MCTP1: variants seen among roughly 807,000 people sequenced by gnomAD.
MCTP1 encodes multiple C2 and transmembrane domain containing 1, also known as multiple C2 and transmembrane domain-containing protein 1.
Under a neutral mutation model 120.6 loss-of-function variants are expected in MCTP1, and 69 were observed. The ratio of observed to expected loss-of-function variants is 0.57; its 90% CI spans 0.47 to 0.70. The LOEUF (loss-of-function observed/expected upper bound fraction) is 0.70. Among genes scored for constraint, MCTP1 ranks in the 30% least tolerant of loss-of-function variants. The pLI is 0.00. For synonymous variants in MCTP1, 529 were observed against 493.1 expected, an observed-to-expected ratio of 1.07 and a Z score of -0.96; for missense variants, 1,203 against 1,248.8, an observed-to-expected ratio of 0.96 and a Z score of 0.55.
At chr5:94,944,614 G>A (rs112724032) in intron 3 of MCTP1, among the ~76,000 whole-genome samples, 1,621 of 152,286 alleles carry the variant, frequency 0.011, 29 homozygotes, top group African/African-American at 0.037. Flanking sequence ...AGTGCAGACA[G>A]CCCAACTGGG....
intron 2 of MCTP1, among the ~76,000 whole-genome samples, chr5:94,997,950 A>C (rs59182861): frequency 0.063 from 9,533 of 152,204 alleles, 957 homozygotes; most frequent in African/African-American, 0.22. Flanking sequence ...AGATAACTTA[A>C]AATTATTTTT....
intron 1 of MCTP1, among the ~76,000 whole-genome samples, chr5:95,044,517 C>T (rs564602787): frequency 6.6e-6 from 1 of 152,220 alleles, no homozygotes; most frequent in South Asian, 2.1e-4. Context: ...AGCACCTGTT[C>T]TCTAGGTCTG....
chr5:94,989,531 A>G (rs1241594220), intron 2 of MCTP1, among the ~76,000 whole-genome samples: 1 of 152,152 alleles, frequency 6.6e-6, no homozygotes. Flanking sequence ...CGATAGAAGC[A>G]TCTTTTGTTA....
chr5:95,223,778 A>G (rs1753950047), intron 1 of MCTP1, among the ~76,000 whole-genome samples: 1 of 152,198 alleles, frequency 6.6e-6, no homozygotes, highest in Non-Finnish European at 1.5e-5. Context: ...CTTGGGTCTA[A>G]CAGAGAGGAT....
chr5:95,044,834 C>T (rs1019096026), intron 1 of MCTP1, among the ~76,000 whole-genome samples: 2 of 151,940 alleles, frequency 1.3e-5, no homozygotes, highest in Admixed American at 1.3e-4. Flanking sequence ...TAGTCCGAGC[C>T]CCCGTCATCC....
intron 1 of MCTP1, among the ~76,000 whole-genome samples, chr5:95,248,207 C>T (rs543724930): frequency 2.0e-5 from 3 of 152,166 alleles, no homozygotes; most frequent in South Asian, 2.1e-4. Context: ...AAAGGGTATT[C>T]GACTAGGAAA....
intron 3 of MCTP1, among the ~76,000 whole-genome samples, chr5:94,944,364 T>C: frequency 6.6e-6 from 1 of 152,194 alleles, no homozygotes; most frequent in South Asian, 2.1e-4. Flanking sequence ...AGCATATGCA[T>C]GTACTGCACA....
At chr5:95,135,561 C>A (rs145707356) in intron 1 of MCTP1, among the ~76,000 whole-genome samples, 6 of 152,102 alleles carry the variant, frequency 3.9e-5, no homozygotes, top group Admixed American at 1.3e-4. Flanking sequence ...CAGCTGCCAT[C>A]GAATATAAAG....
intron 19 of MCTP1, among the ~76,000 whole-genome samples, chr5:94,729,076 C>CAGTG (rs1424122063): frequency 6.6e-6 from 1 of 152,144 alleles, no homozygotes; most frequent in Non-Finnish European, 1.5e-5. Flanking sequence ...ATGGGCTGGA[C>CAGTG]AGTGACCCAG....
chr5:95,058,466 G>T (rs529616091), intron 1 of MCTP1, among the ~76,000 whole-genome samples: 4 of 152,162 alleles, frequency 2.6e-5, no homozygotes, highest in African/African-American at 9.7e-5. Context: ...CACACCTTAC[G>T]ACCTTTGGCA....
intron 2 of MCTP1, among the ~76,000 whole-genome samples, chr5:95,010,081 T>G (rs999570114): frequency 6.6e-6 from 1 of 152,170 alleles, no homozygotes; most frequent in African/African-American, 2.4e-5. Context: ...TTTTGCTGGG[T>G]AGTAGGTGAG....
chr5:95,229,133 C>G (rs889936918), intron 1 of MCTP1, among the ~76,000 whole-genome samples: 3 of 152,172 alleles, frequency 2.0e-5, no homozygotes, highest in Non-Finnish European at 2.9e-5. Context: ...GAAGCCAGAA[C>G]AAGCAATTTT....
At chr5:95,030,243 C>T (rs1244341663) in intron 1 of MCTP1, among the ~76,000 whole-genome samples, 2 of 152,194 alleles carry the variant, frequency 1.3e-5, no homozygotes, top group Non-Finnish European at 2.9e-5. Flanking sequence ...CCACCACTTT[C>T]CCCCAAGACT....
chr5:95,183,748 A>G (rs1748876159), intron 1 of MCTP1, among the ~76,000 whole-genome samples: 1 of 152,198 alleles, frequency 6.6e-6, no homozygotes, highest in Admixed American at 6.6e-5. Context: ...CACCTTCATT[A>G]ATGAAGGAAA....
chr5:95,095,006 A>ATTTTTTT lies in MCTP1; in HGVS notation c.721-77529_721-77523dup, dbSNP rs756132693. ...TTTTTTCTTTTATTTGTTATGTTAG[A>ATTTTTTT]TTTTTTTTTTTTTTTTTTTTTTTTT... On this transcript the variant is annotated intron_variant, in intron 1 of 22. Coordinates refer to ENST00000515393, the MANE Select transcript of MCTP1 (RefSeq NM_024717.7). Among the ~76,000 whole-genome samples, 81 of 36,966 alleles carry ATTTTTTT rather than the reference A, an allele frequency of 2.2e-3. 23 individuals are homozygous for ATTTTTTT. The highest frequency in any genetic ancestry group is 9.2e-3 in the African/African-American group (74 of 8,048). The allele number at this position is 36,966 out of a possible 152,430, so 24.3% of individuals were successfully genotyped here. A position where few individuals can be genotyped will look rare whatever the true frequency, so the allele number is the denominator to read the frequency against.
intron 2 of MCTP1, among the ~76,000 whole-genome samples, chr5:94,977,460 G>GA (rs942536435): frequency 7.3e-5 from 11 of 150,622 alleles, no homozygotes; most frequent in Middle Eastern, 3.4e-3. Context: ...TACAGAAATA[G>GA]AAAAAAAAAA....
rs114119696 is a variant in MCTP1 at position 95,090,242 on chromosome 5, T to G, written c.721-72758A>C. Among the ~76,000 whole-genome samples the G allele has an allele frequency of 4.5e-3, 685 of 152,346 alleles. 9 individuals are homozygous for G. The highest frequency in any genetic ancestry group is 0.016 in the African/African-American group (653 of 41,582). ...TGTTTAATTTTGAATCACTTAACGT[T>G]GAGGTGAGAAATAAAGCATAGTTTT... On this transcript the variant is annotated intron_variant, in intron 1 of 22. Transcript: ENST00000515393.
chr5:95,279,376 T>C (rs1257553446), intron 1 of MCTP1, among the ~76,000 whole-genome samples: 1 of 152,224 alleles, frequency 6.6e-6, no homozygotes, highest in Non-Finnish European at 1.5e-5. Context: ...TAATGTAAGA[T>C]TTTTTCCATT....
intron 17 of MCTP1, among the ~76,000 whole-genome samples, chr5:94,822,671 C>T (rs1036702113): frequency 1.3e-5 from 2 of 152,146 alleles, no homozygotes; most frequent in Admixed American, 1.3e-4. Context: ...TTTACACTCC[C>T]AACAGTGTAA....
Sources: gnomAD v4.1 joint callset for allele counts (sites outside exome capture counted in the v4.1 genomes callset) on GRCh38, gnomAD v4.1.1 for gene constraint, MANE v1.5 for transcripts, NCBI Gene and HGNC (gene_info 2026-07-23, HGNC 2026-07-21) for gene names.